SPATA7: variants seen among roughly 807,000 people sequenced by gnomAD.
SPATA7 encodes the protein spermatogenesis-associated protein 7.
Under a neutral mutation model 51.8 loss-of-function variants are expected in SPATA7, and 43 were observed. The observed-to-expected ratio is 0.83, with a 90% CI of 0.65 to 1.07. The LOEUF is 1.07. Ranked by LOEUF, SPATA7 falls within the 50% of genes least tolerant of loss-of-function variation. The pLI, the probability that SPATA7 is intolerant of heterozygous loss-of-function variation, is 0.00. For synonymous variants in SPATA7, 230 were observed against 252.8 expected, an observed-to-expected ratio of 0.91 and a Z score of 0.86; for missense variants, 683 against 701.3, an observed-to-expected ratio of 0.97 and a Z score of 0.30.
chr14:88,441,188 T>TTGTGTGTG (rs534049280), downstream of SPATA7, among the ~76,000 whole-genome samples: 2 of 151,210 alleles, frequency 1.3e-5, no homozygotes, highest in African/African-American at 4.9e-5. Flanking sequence ...TAGTATTCAA[T>TTGTGTGTG]TGTGTGTGTG....
At chr14:88,432,896 A>T in intron 9 of SPATA7, 2 of 444,662 alleles carry the variant, frequency 4.5e-6, no homozygotes, top group East Asian at 7.6e-5. Flanking sequence ...ACTGCTATGG[A>T]TGTTGCAGAT....
intron 1 of SPATA7, among the ~76,000 whole-genome samples, chr14:88,386,547 C>T (rs2075583185): frequency 6.6e-6 from 1 of 152,088 alleles, no homozygotes; most frequent in Non-Finnish European, 1.5e-5. Flanking sequence ...CCGTACTCAC[C>T]ATATACACCT....
intron 1 of SPATA7, among the ~76,000 whole-genome samples, chr14:88,386,504 T>G (rs2075581000): frequency 6.6e-6 from 1 of 152,184 alleles, no homozygotes; most frequent in Non-Finnish European, 1.5e-5. Flanking sequence ...AATGCGGTGT[T>G]GCTGGTCAGC....
intron 4 of SPATA7, among the ~76,000 whole-genome samples, chr14:88,411,899 C>G (rs993541314): frequency 3.9e-5 from 6 of 152,174 alleles, no homozygotes; most frequent in African/African-American, 1.4e-4. Flanking sequence ...AATGGTAGGT[C>G]TATTTTTAGT....
intron 4 of SPATA7, chr14:88,468,112 T>C (rs1595332531): frequency 6.2e-7 from 1 of 1,612,798 alleles, no homozygotes; most frequent in Non-Finnish European, 8.5e-7. Flanking sequence ...TTCACATGAC[T>C]GGCCCCGTAA....
chr14:88,446,540 T>C (rs1198742455), intron 3 of SPATA7, among the ~76,000 whole-genome samples: 9 of 151,212 alleles, frequency 6.0e-5, no homozygotes, highest in African/African-American at 1.7e-4. Flanking sequence ...TGAATGTGTT[T>C]GCTCTTGCTT....
At chr14:88,403,595 G>A (rs900287584) in intron 4 of SPATA7, among the ~76,000 whole-genome samples, 6 of 152,276 alleles carry the variant, frequency 3.9e-5, no homozygotes, top group Middle Eastern at 3.4e-3. Flanking sequence ...TGACAACACA[G>A]ATGAACCTGA....
At chr14:88,394,691 G>A (rs2139877811) in intron 3 of SPATA7, among the ~76,000 whole-genome samples, 2 of 152,180 alleles carry the variant, frequency 1.3e-5, no homozygotes, top group South Asian at 2.1e-4. Flanking sequence ...AGAACTGTGA[G>A]GTAATATATT....
At chr14:88,423,311 A>G (rs1334144036) in intron 5 of SPATA7, among the ~76,000 whole-genome samples, 4 of 150,622 alleles carry the variant, frequency 2.7e-5, no homozygotes, top group Admixed American at 2.0e-4. Flanking sequence ...ACTGAGGCAG[A>G]CAGATCACTT....
intron 4 of SPATA7, among the ~76,000 whole-genome samples, chr14:88,462,242 G>A (rs1192463497): frequency 6.6e-6 from 1 of 152,160 alleles, no homozygotes; most frequent in Non-Finnish European, 1.5e-5. Context: ...TGTAATATCT[G>A]TATCTTATGA....
chr14:88,430,661 A>C (rs1413872637), intron 8 of SPATA7, among the ~76,000 whole-genome samples: 1 of 152,148 alleles, frequency 6.6e-6, no homozygotes, highest in Admixed American at 6.6e-5. Flanking sequence ...TGTAGTTTTA[A>C]AAAGAATTGT....
chr14:88,399,276 G>A (rs969179521), intron 4 of SPATA7, among the ~76,000 whole-genome samples: 1 of 152,036 alleles, frequency 6.6e-6, no homozygotes, highest in African/African-American at 2.4e-5. Flanking sequence ...TACAAACACA[G>A]TGTCTGTCTC....
chr14:88,405,580 T>C (rs980900179), intron 4 of SPATA7, among the ~76,000 whole-genome samples: 4 of 152,168 alleles, frequency 2.6e-5, no homozygotes, highest in African/African-American at 9.7e-5. Context: ...AGATGTAGTG[T>C]GAGAGAGAAA....
At chr14:88,437,475 C>A in intron 10 of SPATA7, 68 bp from the exon 11 acceptor site, 1 of 1,102,938 alleles carries the variant, frequency 9.1e-7, no homozygotes, top group Non-Finnish European at 1.4e-6. Flanking sequence ...TTCAGTGTTA[C>A]GTAGCTAGTT....
chr14:88,415,668 A>G (rs1219735114), intron 4 of SPATA7, among the ~76,000 whole-genome samples: 2 of 151,900 alleles, frequency 1.3e-5, no homozygotes, highest in Admixed American at 1.3e-4. Flanking sequence ...TGTAGTCTTG[A>G]TTGCGTATTT....
chr14:88,433,598 A>C (rs895541545), intron 10 of SPATA7, among the ~76,000 whole-genome samples: 29 of 152,182 alleles, frequency 1.9e-4, no homozygotes, highest in Non-Finnish European at 7.4e-5. Context: ...TATTAGATCT[A>C]GTAAAATGAG....
chr14:88,456,676 T>C (rs1476923882), downstream of SPATA7, among the ~76,000 whole-genome samples: 19 of 151,146 alleles, frequency 1.3e-4, 1 homozygote, highest in Admixed American at 3.9e-4. Flanking sequence ...CTGTAGGTTG[T>C]CTGTTCACTC....
At chr14:88,458,624 T>G (rs1397593228), downstream of SPATA7, among the ~76,000 whole-genome samples, 1 of 152,148 alleles carries the variant, frequency 6.6e-6, no homozygotes, top group Non-Finnish European at 1.5e-5. Context: ...CTTTTCTTCT[T>G]TATTAGTCTT....
At chr14:88,422,115 G>T (rs2076662876) in intron 5 of SPATA7, among the ~76,000 whole-genome samples, 1 of 152,116 alleles carries the variant, frequency 6.6e-6, no homozygotes, top group African/African-American at 2.4e-5. Context: ...TTTCTTTGGG[G>T]CTGGAGGTAA....
Sources: gnomAD v4.1 joint callset for allele counts (sites outside exome capture counted in the v4.1 genomes callset) on GRCh38, gnomAD v4.1.1 for gene constraint, MANE v1.5 for transcripts, NCBI Gene and HGNC (gene_info 2026-07-23, HGNC 2026-07-21) for gene names.